The following CFAP69 variants were observed in gnomAD, a reference collection of about 807,000 sequenced individuals.
CFAP69 encodes the protein cilia and flagella associated protein 69, also known as cilia- and flagella-associated protein 69.
Under a neutral mutation model 123.0 loss-of-function variants are expected in CFAP69, and 92 were observed. The ratio of observed to expected loss-of-function variants is 0.75; its 90% CI spans 0.63 to 0.89. The LOEUF (loss-of-function observed/expected upper bound fraction) is 0.89, where lower values mean the gene tolerates loss of function less well. Among genes scored for constraint, CFAP69 ranks in the 40% least tolerant of loss-of-function variants. The probability of loss-of-function intolerance (pLI) is 0.00; values close to 1 mark genes in which losing one functional copy is unlikely to be tolerated. For synonymous variants in CFAP69, 380 were observed against 364.3 expected, an observed-to-expected ratio of 1.04 and a Z score of -0.49; for missense variants, 1,067 against 1,096.9, an observed-to-expected ratio of 0.97 and a Z score of 0.39.
intron 12 of CFAP69, 95 bp from the exon 13 acceptor site, chr7:90,282,797 A>T: frequency 9.6e-7 from 1 of 1,043,980 alleles, no homozygotes. Flanking sequence ...CAAAATTTTA[A>T]CATTTGTTTA....
chr7:90,309,336 A>C lies in CFAP69; in HGVS notation c.2624A>C (p.His875Pro). 6.3e-7 allele frequency: 1 copy of C among 1,589,906 alleles called. No individual in the cohort carries two copies. The highest frequency in any genetic ancestry group is 1.2e-5 in the South Asian group (1 of 86,184). Residue 875 changes from histidine to proline, a missense_variant, in exon 22 of 23, where the codon CAC (histidine) becomes CCC (proline). Physicochemically the swap from His to Pro is moderately conservative, Grantham distance 77. Coordinates refer to ENST00000389297, the MANE Select transcript of CFAP69 (RefSeq NM_001039706.3). ...YHKRPQNAIF[H>P]QTHIKGLNTT... ...AAACGACCACAAAATGCAATATTTC[A>C]CCAAACACATATTAAAGGCCTTAAC... is the stretch of plus-strand genomic sequence containing the variant.
Position 90,290,162 on chromosome 7 carries a change from A to T in CFAP69, c.1775+1810A>T, listed in dbSNP as rs111439463. Among the ~76,000 whole-genome samples, 1,359 of 152,270 alleles carry T rather than the reference A, an allele frequency of 8.9e-3. 19 individuals carry two copies. Among genetic ancestry groups the T allele is most frequent in the African/African-American group, 0.029 (1,215 of 41,556 alleles). On this transcript the variant is annotated intron_variant, in intron 15 of 22. Coordinates refer to ENST00000389297, the MANE Select transcript of CFAP69 (RefSeq NM_001039706.3). Reference sequence around the variant, plus strand: ...AACCAGTAAGAAAAAAACATAGAGAAAGAGAGATTGAGATTTATCATAAGG... The same window carrying T: ...AACCAGTAAGAAAAAAACATAGAGATAGAGAGATTGAGATTTATCATAAGG...
At chr7:90,299,824 A>T (rs775173050) in intron 16 of CFAP69, 43 bp from the exon 17 acceptor site, 1 of 1,445,966 alleles carries the variant, frequency 6.9e-7, no homozygotes, top group East Asian at 2.5e-5. Context: ...ATAATTCTTA[A>T]TATTTATTGC....
intron 1 of CFAP69, among the ~76,000 whole-genome samples, chr7:90,254,267 G>T (rs1411687208): frequency 6.6e-6 from 1 of 152,170 alleles, no homozygotes; most frequent in East Asian, 1.9e-4. Flanking sequence ...AAGTCAGGTA[G>T]TGTGGTGCCT....
chr7:90,265,229 C>G, intron 4 of CFAP69, 72 bp from the exon 5 acceptor site: 1 of 873,400 alleles, frequency 1.1e-6, no homozygotes, highest in Non-Finnish European at 1.9e-6. Flanking sequence ...GAACTCTCCC[C>G]CACTTACAAA....
At chr7:90,294,021 TC>T (rs1791575635) in intron 15 of CFAP69, among the ~76,000 whole-genome samples, 1 of 152,170 alleles carries the variant, frequency 6.6e-6, no homozygotes, top group Admixed American at 6.5e-5. Flanking sequence ...TTCCTAAACA[TC>T]CCTCTTTTTA....
chr7:90,272,526 A>C (rs985041272), intron 8 of CFAP69, among the ~76,000 whole-genome samples: 1 of 152,224 alleles, frequency 6.6e-6, no homozygotes, highest in African/African-American at 2.4e-5. Flanking sequence ...AAGATGCTAC[A>C]TGTTCTTCAG....
At position 90,275,590 on chromosome 7, in the gene CFAP69, CTTTTTTTTTTTTTT is replaced by C. The variant is rs57578763; in HGVS notation, c.985-1467_985-1454del. Among the ~76,000 whole-genome samples, 428 of 62,076 alleles carry C rather than the reference CTTTTTTTTTTTTTT, an allele frequency of 6.9e-3. 5 individuals carry two copies. Among genetic ancestry groups the C allele is most frequent in the Non-Finnish European group, 9.7e-3 (349 of 35,954 alleles). The allele number at this position is 62,076 out of a possible 152,430, so 40.7% of individuals were successfully genotyped here. Reference sequence around the variant, plus strand: ...TACGGCCTGCTCTCAGGCCAAAAGCCTTTTTTTTTTTTTTTTTTTTTTTTTTTTTGAGACGGAAT... The same window carrying C: ...TACGGCCTGCTCTCAGGCCAAAAGCCTTTTTTTTTTTTTTTGAGACGGAAT... On this transcript the variant is annotated intron_variant, in intron 9 of 22. Coordinates refer to ENST00000389297, the MANE Select transcript of CFAP69 (RefSeq NM_001039706.3).
chr7:90,249,504 A>T (rs17870044), intron 1 of CFAP69, among the ~76,000 whole-genome samples: 3,002 of 152,290 alleles, frequency 0.02, 99 homozygotes, highest in East Asian at 0.11. Flanking sequence ...CCCAGTGTTT[A>T]TGTGGCTCTG....
intron 6 of CFAP69, among the ~76,000 whole-genome samples, chr7:90,269,588 G>A (rs977179968): frequency 6.6e-6 from 1 of 152,152 alleles, no homozygotes; most frequent in African/African-American, 2.4e-5. Flanking sequence ...CCAAGTTAAT[G>A]TGACACTTGA....
chr7:90,293,926 T>C (rs764624788), intron 15 of CFAP69, among the ~76,000 whole-genome samples: 38 of 152,340 alleles, frequency 2.5e-4, no homozygotes, highest in African/African-American at 7.2e-4. Flanking sequence ...GACCTTCAAA[T>C]TGTACAACAT....
chr7:90,297,164 A>C (rs1208457961), intron 15 of CFAP69, among the ~76,000 whole-genome samples: 1 of 152,150 alleles, frequency 6.6e-6, no homozygotes, highest in Non-Finnish European at 1.5e-5. Flanking sequence ...GTCAAGTTGG[A>C]ATTTGGTATC....
intron 5 of CFAP69, 141 bp from the exon 6 acceptor site, chr7:90,268,144 AT>A (rs1799420578): frequency 3.5e-6 from 2 of 574,980 alleles, no homozygotes; most frequent in Admixed American, 6.8e-5. Flanking sequence ...GTATAAAAAT[AT>A]GCATATAAAT....
At chr7:90,315,046 A>G (rs539536371), downstream of CFAP69, among the ~76,000 whole-genome samples, 13 of 152,256 alleles carry the variant, frequency 8.5e-5, no homozygotes, top group Admixed American at 3.9e-4. Flanking sequence ...CTATGAAACC[A>G]CAATGAGATA....
chr7:90,320,310 C>T, the CFAP69 span: 1 of 152,164 alleles, frequency 6.6e-6, no homozygotes, highest in Non-Finnish European at 1.5e-5. Context: ...TTGAAAAATA[C>T]TTGTTACGCA....
At chr7:90,255,588 G>A in intron 2 of CFAP69, 106 bp downstream of exon 2, 1 of 860,782 alleles carries the variant, frequency 1.2e-6, no homozygotes, top group Non-Finnish European at 1.9e-6. Flanking sequence ...ATCTCGTTTT[G>A]TTGAAAACAT....
downstream of CFAP69, among the ~76,000 whole-genome samples, chr7:90,313,612 G>T (rs1794511865): frequency 6.6e-6 from 1 of 152,134 alleles, no homozygotes; most frequent in Admixed American, 6.5e-5. Flanking sequence ...AAGCTGGAAT[G>T]ATTTGAACAA....
At chr7:90,265,685 A>G (rs1481078972) in intron 5 of CFAP69, among the ~76,000 whole-genome samples, 1 of 152,222 alleles carries the variant, frequency 6.6e-6, no homozygotes, top group Admixed American at 6.5e-5. Context: ...GAAAGTGTAC[A>G]TACCCTTTTT....
chr7:90,263,147 CAA>C (rs1308171678), intron 4 of CFAP69, among the ~76,000 whole-genome samples: 1 of 152,154 alleles, frequency 6.6e-6, no homozygotes, highest in Non-Finnish European at 1.5e-5. Context: ...GAGCTCTGCA[CAA>C]AGTTCATTGT....
Sources: gnomAD v4.1 joint callset for allele counts (sites outside exome capture counted in the v4.1 genomes callset) on GRCh38, gnomAD v4.1.1 for gene constraint, MANE v1.5 for transcripts, NCBI Gene and HGNC (gene_info 2026-07-23, HGNC 2026-07-21) for gene names.